DPP6: variants seen among roughly 807,000 people sequenced by gnomAD.
DPP6 encodes A-type potassium channel modulatory protein DPP6.
In DPP6, 69 loss-of-function variants were observed where a neutral mutation model predicts 122.6. The observed-to-expected ratio is 0.56, with a 90% CI of 0.46 to 0.69. DPP6 has a LOEUF of 0.69. Among genes scored for constraint, DPP6 ranks in the 30% least tolerant of loss-of-function variants. The pLI is 0.00. For missense variants in DPP6, 928 were observed against 1,116.9 expected (o/e 0.83, Z 2.41); for synonymous variants, 418 against 433.1 (o/e 0.97, Z 0.43).
Position 154,061,995 on chromosome 7 carries a change from C to T in DPP6, c.243+8932C>T, listed in dbSNP as rs1342082457. ...GAGCTATCCCCTCTTCCGCCCCTGG[C>T]TGTTGGTACCCCCATCGCAGGGGGG... On this transcript the variant is annotated intron_variant, in intron 1 of 25. Coordinates refer to ENST00000377770, the MANE Select transcript of DPP6 (RefSeq NM_130797.4). Among the ~76,000 whole-genome samples, 18 of 122,564 alleles carry T rather than the reference C, an allele frequency of 1.5e-4. 2 individuals are homozygous for T. The highest frequency in any genetic ancestry group is 1.7e-4 in the Non-Finnish European group (10 of 57,948). The allele number at this position is 122,564 out of a possible 152,430, so 80.4% of individuals were successfully genotyped here.
chr7:153,812,880 C>T, the DPP6 span, among the ~76,000 whole-genome samples: 1 of 151,980 alleles, frequency 6.6e-6, no homozygotes, highest in African/African-American at 2.4e-5. Context: ...AATATACAAC[C>T]TACTGAGACC....
At position 154,046,725 on chromosome 7, in the gene DPP6, A is replaced by T. The variant is rs572939155; in HGVS notation, c.51+158991A>T. Among the ~76,000 whole-genome samples, 6 of 152,256 alleles carry T rather than the reference A, an allele frequency of 3.9e-5. No homozygotes were observed. In the South Asian group the frequency reaches 1.2e-3, roughly 32 times the overall value. On this transcript the variant is annotated intron_variant, in intron 1 of 25. Transcript: ENST00000404039. ...ATACACTGGAATCTGCAGTACTTGGACCTGGGGGCCAACTTGCTGGGCTTT... is the reference window on the plus strand; with the variant it reads ...ATACACTGGAATCTGCAGTACTTGGTCCTGGGGGCCAACTTGCTGGGCTTT...
chr7:154,204,077 C>T (rs1799309876), intron 1 of DPP6, among the ~76,000 whole-genome samples: 2 of 152,202 alleles, frequency 1.3e-5, no homozygotes, highest in South Asian at 4.1e-4. Flanking sequence ...ACAGTTGCTT[C>T]CTCTTACGTG....
chr7:154,769,772 G>A (rs1350305317), intron 9 of DPP6, among the ~76,000 whole-genome samples: 1 of 152,062 alleles, frequency 6.6e-6, no homozygotes, highest in Non-Finnish European at 1.5e-5. Context: ...ACTTCTTTTA[G>A]GTAACCGAAC....
At chr7:153,749,612 G>A in the DPP6 span, among the ~76,000 whole-genome samples, 2 of 152,230 alleles carry the variant, frequency 1.3e-5, no homozygotes, top group East Asian at 1.9e-4. This position sits in a 1 kb window ranked among gnomAD's most constrained non-coding sequence, Gnocchi z 4.1. Context: ...AGCCCAGAGT[G>A]TGAGGGACTT....
rs141079293 is a variant in DPP6, at chr7:154,580,692, G to C, written c.627+13776G>C. On this transcript the variant is annotated intron_variant, in intron 5 of 25. Coordinates refer to ENST00000377770, the MANE Select transcript of DPP6 (RefSeq NM_130797.4). The stretch of plus-strand genomic sequence containing the variant: ...AAAGACGTGAGAGGACAAGAGGCTT[G>C]AGTCAGGGAAGGCCGACGGAGAAGA... 4.5e-3 allele frequency among the ~76,000 whole-genome samples: 684 copies of C among 152,274 alleles called. 7 individuals are homozygous for C. Among genetic ancestry groups the C allele is most frequent in the African/African-American group, 0.015 (642 of 41,558 alleles).
intron 10 of DPP6, among the ~76,000 whole-genome samples, chr7:154,779,050 C>T (rs1796817685): frequency 8.1e-6 from 1 of 123,226 alleles, no homozygotes; most frequent in Admixed American, 8.1e-5. Flanking sequence ...CCACAACTAC[C>T]CCCACCATCA....
At chr7:153,975,078 G>A (rs574827162) in intron 1 of DPP6, among the ~76,000 whole-genome samples, 210 of 152,118 alleles carry the variant, frequency 1.4e-3, no homozygotes, top group African/African-American at 4.9e-3. Context: ...TACCTACTAC[G>A]TACCAGCCAG....
chr7:154,797,693 A>G (rs1587172615), intron 12 of DPP6, among the ~76,000 whole-genome samples: 1 of 152,154 alleles, frequency 6.6e-6, no homozygotes, highest in Admixed American at 6.5e-5. Context: ...GGTGGTGGAA[A>G]TGTTTTGGAA....
chr7:154,275,115 G>A (rs768198664), intron 1 of DPP6, among the ~76,000 whole-genome samples: 17 of 152,368 alleles, frequency 1.1e-4, no homozygotes, highest in East Asian at 1.9e-4. Context: ...CTTACTGCCC[G>A]CCTGGCCTGG....
chr7:154,031,169 G>A (rs925446668), intron 1 of DPP6, among the ~76,000 whole-genome samples: 1 of 152,002 alleles, frequency 6.6e-6, no homozygotes, highest in Non-Finnish European at 1.5e-5. Context: ...ACACAATGAT[G>A]ATGTGTGTTT....
At chr7:154,820,479 C>G (rs531779879) in intron 16 of DPP6, among the ~76,000 whole-genome samples, 2 of 152,144 alleles carry the variant, frequency 1.3e-5, no homozygotes, top group African/African-American at 4.8e-5. Context: ...ACCCCAGTTG[C>G]CCCCAAAAGC....
At chr7:154,055,019 G>T (rs180941811) in intron 1 of DPP6, among the ~76,000 whole-genome samples, 2 of 151,724 alleles carry the variant, frequency 1.3e-5, no homozygotes, top group East Asian at 1.9e-4. Flanking sequence ...AAACAAATCA[G>T]GGATATAACA....
At chr7:153,818,000 T>C in the DPP6 span, among the ~76,000 whole-genome samples, 4 of 151,832 alleles carry the variant, frequency 2.6e-5, no homozygotes, top group Admixed American at 2.6e-4. Context: ...GGGGAGAAGA[T>C]ATTCTCAGCC....
At chr7:154,045,271 C>T (rs1271790938) in intron 1 of DPP6, among the ~76,000 whole-genome samples, 1 of 151,750 alleles carries the variant, frequency 6.6e-6, no homozygotes, top group African/African-American at 2.4e-5. Flanking sequence ...AATCCTTACC[C>T]TTAGGAGAAT....
chr7:154,341,590 T>A (rs1809939372), intron 1 of DPP6, among the ~76,000 whole-genome samples: 1 of 151,822 alleles, frequency 6.6e-6, no homozygotes, highest in East Asian at 1.9e-4. Context: ...TTACTTTGCT[T>A]TATTGTTCAA....
At chr7:154,757,687 A>G (rs1013572699) in intron 8 of DPP6, among the ~76,000 whole-genome samples, 1 of 152,142 alleles carries the variant, frequency 6.6e-6, no homozygotes, top group Non-Finnish European at 1.5e-5. Flanking sequence ...TATCCTCTGG[A>G]GAGTCTGCCT....
intron 1 of DPP6, among the ~76,000 whole-genome samples, chr7:154,005,981 A>G (rs1456524069): frequency 6.6e-6 from 1 of 152,064 alleles, no homozygotes; most frequent in Non-Finnish European, 1.5e-5. Flanking sequence ...CAATGGGGTC[A>G]GGCGGGCTGA....
chr7:154,883,184 C>CTG (rs74787927), intron 21 of DPP6, among the ~76,000 whole-genome samples: 48,044 of 147,932 alleles, frequency 0.32, 8,122 homozygotes, highest in East Asian at 0.51. Context: ...TACACAAATG[C>CTG]TCACATACAC....
Sources: allele counts gnomAD v4.1 joint callset (sites outside exome capture counted in the v4.1 genomes callset), GRCh38; gene constraint gnomAD v4.1.1; non-coding constraint Gnocchi (gnomAD v3.1); transcripts MANE v1.5; gene names NCBI Gene and HGNC (gene_info 2026-07-23, HGNC 2026-07-21).